ZHX3: variants seen among roughly 807,000 people sequenced by gnomAD.
ZHX3 encodes the protein zinc fingers and homeoboxes protein 3.
A neutral mutation model predicts 64.5 loss-of-function variants in ZHX3; 20 were observed. That is an observed-to-expected ratio of 0.31 (90% CI 0.22 to 0.45). The LOEUF is 0.45. Among genes scored for constraint, ZHX3 ranks in the 20% least tolerant of loss-of-function variants. The pLI is 1.00. For missense variants in ZHX3, 1,041 were observed against 1,195.8 expected, an observed-to-expected ratio of 0.87 and a Z score of 1.91; for synonymous variants, 423 against 461.6, an observed-to-expected ratio of 0.92 and a Z score of 1.07.
At chr20:41,237,719 C>G (rs1244323827) in intron 2 of ZHX3, among the ~76,000 whole-genome samples, 1 of 152,018 alleles carries the variant, frequency 6.6e-6, no homozygotes. Context: ...TGTAACAAAC[C>G]TGCACGTTGT....
chr20:41,201,276 T>C lies in ZHX3; in HGVS notation c.2860+781A>G. The C allele has an allele frequency of 7.7e-7, 1 of 1,297,566 alleles. No individual in the cohort carries two copies. The highest frequency in any genetic ancestry group is 1.0e-6 in the Non-Finnish European group (1 of 986,844). 80.4% of individuals were successfully genotyped at this position (1,297,566 alleles called of 1,614,324 possible). On this transcript the variant is annotated intron_variant, in intron 3 of 3. Transcript: ENST00000683867. This position sits in a 1 kb window ranked among gnomAD's most constrained non-coding sequence, Gnocchi z 5.0. ...CAGCTTCTACAATACTCCGCCCTCC[T>C]GGCTCTCACCTGAGCTTCTGGCTGC...
In ZHX3 at chr20:41,201,471, C is replaced by G; in HGVS notation, c.2860+586G>C. 9.7e-7 allele frequency: 1 copy of G among 1,025,798 alleles called. No homozygotes were observed. The highest frequency in any genetic ancestry group is 1.3e-6 in the Non-Finnish European group (1 of 746,008). The allele number at this position is 1,025,798 out of a possible 1,614,324, so 63.5% of individuals were successfully genotyped here. ...AAATAATCTTCTATGATACATTTTG[C>G]TTTCGAGTACAATCCAGAGAAACTG... is the stretch of plus-strand genomic sequence containing the variant. On this transcript the variant is annotated intron_variant, in intron 3 of 3. Coordinates refer to ENST00000683867, the MANE Select transcript of ZHX3 (RefSeq NM_001384317.1). This position sits in a 1 kb window ranked among gnomAD's most constrained non-coding sequence, Gnocchi z 5.0.
chr20:41,209,017 A>T lies in ZHX3; in HGVS notation c.-150-3951T>A, dbSNP rs546395188. ...GTCTCAGGATACAAAATCAATGTGC[A>T]AAAATCACAAGCATTCCAATACACC... On this transcript the variant is annotated intron_variant, in intron 2 of 3. Transcript: ENST00000683867. Among the ~76,000 whole-genome samples, 23 of 152,348 alleles carry T rather than the reference A, an allele frequency of 1.5e-4. No individual in the cohort carries two copies. The South Asian group carries it at 1.9e-3, about 12-fold the overall frequency.
At chr20:41,300,642 G>A (rs542481194) in intron 1 of ZHX3, among the ~76,000 whole-genome samples, 7 of 152,288 alleles carry the variant, frequency 4.6e-5, no homozygotes, top group South Asian at 2.1e-4. Flanking sequence ...TACCCAGCCC[G>A]AGGGGTCAGA....
chr20:41,261,429 G>A (rs1417840190), intron 2 of ZHX3, among the ~76,000 whole-genome samples: 1 of 152,126 alleles, frequency 6.6e-6, no homozygotes, highest in Non-Finnish European at 1.5e-5. Flanking sequence ...TAGTCAAACT[G>A]CATTTCCTTG....
At chr20:41,227,853 T>C (rs2040367919) in intron 2 of ZHX3, among the ~76,000 whole-genome samples, 1 of 152,174 alleles carries the variant, frequency 6.6e-6, no homozygotes, top group Non-Finnish European at 1.5e-5. Context: ...TATATCATAG[T>C]GGTATTACTT....
chr20:41,292,440 A>C (rs1366315121), intron 1 of ZHX3, among the ~76,000 whole-genome samples: 1 of 152,160 alleles, frequency 6.6e-6, no homozygotes, highest in Non-Finnish European at 1.5e-5. Flanking sequence ...GAAATGACCA[A>C]AAAAGTATGG....
chr20:41,257,069 A>AG (rs1223496846), intron 2 of ZHX3, among the ~76,000 whole-genome samples: 2 of 152,156 alleles, frequency 1.3e-5, no homozygotes, highest in Non-Finnish European at 2.9e-5. Context: ...ATAGTGCTTC[A>AG]GGTTGGCTGC....
chr20:41,298,222 C>A (rs1185658016), intron 1 of ZHX3, among the ~76,000 whole-genome samples: 1 of 152,222 alleles, frequency 6.6e-6, no homozygotes, highest in Non-Finnish European at 1.5e-5. Flanking sequence ...CTGGGTCACA[C>A]TGTGACATGT....
chr20:41,259,350 C>T (rs2042439032), intron 2 of ZHX3, among the ~76,000 whole-genome samples: 1 of 152,228 alleles, frequency 6.6e-6, no homozygotes, highest in Non-Finnish European at 1.5e-5. Flanking sequence ...AACCCCTATT[C>T]TATTTATCAC....
intron 2 of ZHX3, among the ~76,000 whole-genome samples, chr20:41,260,296 G>A (rs943999326): frequency 6.6e-6 from 1 of 152,140 alleles, no homozygotes; most frequent in Admixed American, 6.5e-5. Context: ...TGCATAGGAA[G>A]TTAAATATGT....
intron 1 of ZHX3, among the ~76,000 whole-genome samples, chr20:41,298,148 A>G (rs1461646726): frequency 6.6e-6 from 1 of 152,182 alleles, no homozygotes; most frequent in Non-Finnish European, 1.5e-5. Flanking sequence ...AACTGTACAC[A>G]GAGCATTACC....
At chr20:41,283,416 G>A (rs563389451) in intron 1 of ZHX3, among the ~76,000 whole-genome samples, 4 of 152,228 alleles carry the variant, frequency 2.6e-5, no homozygotes, top group Non-Finnish European at 5.9e-5. Context: ...ACACCACTAA[G>A]GGCAAAAGCA....
At chr20:41,288,332 G>A (rs1002450410) in intron 1 of ZHX3, among the ~76,000 whole-genome samples, 1 of 152,196 alleles carries the variant, frequency 6.6e-6, no homozygotes, top group Non-Finnish European at 1.5e-5. Context: ...TGACTTTAGA[G>A]CCACTCATTC....
At chr20:41,186,167 C>A (rs1354684371) in intron 3 of ZHX3, among the ~76,000 whole-genome samples, 1 of 152,284 alleles carries the variant, frequency 6.6e-6, no homozygotes, top group East Asian at 1.9e-4. Context: ...ATGTCCTCCA[C>A]CCCTTAGGCC....
chr20:41,225,726 G>C (rs1002645554), intron 2 of ZHX3, among the ~76,000 whole-genome samples: 2 of 152,186 alleles, frequency 1.3e-5, no homozygotes, highest in African/African-American at 4.8e-5. Context: ...GACCTCAGGT[G>C]ATCAGCCTGC....
intron 1 of ZHX3, among the ~76,000 whole-genome samples, chr20:41,305,713 G>C (rs1289255619): frequency 6.6e-6 from 1 of 152,020 alleles, no homozygotes; most frequent in Non-Finnish European, 1.5e-5. Flanking sequence ...GAACCCGGGA[G>C]GCGGAGCTTG....
intron 3 of ZHX3, among the ~76,000 whole-genome samples, chr20:41,198,044 A>G (rs1237303368): frequency 1.0e-5 from 1 of 97,992 alleles, no homozygotes; most frequent in Non-Finnish European, 1.9e-5. Flanking sequence ...GCTCTGCCCC[A>G]CCCAGGCTGG....
rs1170536600 is a variant in ZHX3, at chr20:41,317,707, C to T, written c.-443G>A. Reference sequence around the variant, plus strand: ...CGGGCCGCTCGGCTGGGCTCGGCCGCTCTCGGAGGCGCTCGGCTCTGCTCG... The same window carrying T: ...CGGGCCGCTCGGCTGGGCTCGGCCGTTCTCGGAGGCGCTCGGCTCTGCTCG... On this transcript the variant is annotated 5_prime_UTR_variant, in exon 1 of 4. Transcript: ENST00000683867. The T allele has an allele frequency of 6.6e-6, 1 of 151,814 alleles. No homozygotes were observed. Among genetic ancestry groups the T allele is most frequent in the Non-Finnish European group, 1.5e-5 (1 of 67,936 alleles). 9.4% of individuals were successfully genotyped at this position (151,814 alleles called of 1,614,324 possible).
Sources: gnomAD v4.1 joint callset for allele counts (sites outside exome capture counted in the v4.1 genomes callset) on GRCh38, gnomAD v4.1.1 for gene constraint, Gnocchi (gnomAD v3.1) non-coding constraint, MANE v1.5 for transcripts, NCBI Gene and HGNC (gene_info 2026-07-23, HGNC 2026-07-21) for gene names.